The following TBC1D15 variants were observed in gnomAD, a reference collection of about 807,000 sequenced individuals.
TBC1D15 encodes the protein TBC1 domain family member 15.
Under a neutral mutation model 95.4 loss-of-function variants are expected in TBC1D15, and 39 were observed. That is an observed-to-expected ratio of 0.41 (90% confidence interval 0.32 to 0.53). The LOEUF is 0.53. Among genes scored for constraint, TBC1D15 ranks in the 20% least tolerant of loss-of-function variants. The probability of loss-of-function intolerance (pLI) is 0.29; values close to 1 mark genes in which losing one functional copy is unlikely to be tolerated. For synonymous variants in TBC1D15, 258 were observed against 261.3 expected (o/e 0.99, Z 0.12); for missense variants, 733 against 794.3 (o/e 0.92, Z 0.93).
In TBC1D15 at chr12:71,923,513, T is replaced by C; in HGVS notation, c.*309T>C. On this transcript the variant is annotated 3_prime_UTR_variant, in exon 17 of 17. Coordinates refer to ENST00000485960, the MANE Select transcript of TBC1D15 (RefSeq NM_001146213.3). Reference sequence around the variant, plus strand: ...TGGATGAGTTGGAAATTATGCACTTTGAAAAACATTCACTTTGTTTAAGCT... The same window carrying C: ...TGGATGAGTTGGAAATTATGCACTTCGAAAAACATTCACTTTGTTTAAGCT... The C allele has an allele frequency of 4.0e-6, 1 of 250,122 alleles. No homozygotes were observed. The highest frequency in any genetic ancestry group is 5.0e-5 in the Admixed American group (1 of 19,840). The allele number at this position is 250,122 out of a possible 1,614,324, so 15.5% of individuals were successfully genotyped here. A position where few individuals can be genotyped will look rare whatever the true frequency, so the allele number is the denominator to read the frequency against.
intron 1 of TBC1D15, among the ~76,000 whole-genome samples, chr12:71,863,357 G>A (rs1219735131): frequency 2.0e-5 from 3 of 151,988 alleles, no homozygotes; most frequent in Admixed American, 6.6e-5. Flanking sequence ...CAGCCTGGGC[G>A]ACAGAGTGAG....
At chr12:71,866,916 AT>A (rs1891625669) in intron 1 of TBC1D15, among the ~76,000 whole-genome samples, 1 of 152,186 alleles carries the variant, frequency 6.6e-6, no homozygotes, top group Non-Finnish European at 1.5e-5. Flanking sequence ...AATAGTTGGT[AT>A]TTGAGAGTTG....
At chr12:71,897,712 C>T in intron 9 of TBC1D15, 135 bp from the exon 10 acceptor site, 3 of 574,836 alleles carry the variant, frequency 5.2e-6, no homozygotes, top group Non-Finnish European at 6.0e-6. Context: ...AAACGTTTTG[C>T]TATTGTTTTT....
At chr12:71,899,381 T>C (rs1898867840) in intron 10 of TBC1D15, among the ~76,000 whole-genome samples, 1 of 152,218 alleles carries the variant, frequency 6.6e-6, no homozygotes, top group South Asian at 2.1e-4. Flanking sequence ...TCGTTAGTTT[T>C]ATAGTTCAGA....
At chr12:71,851,514 C>G (rs1887824274) in intron 1 of TBC1D15, among the ~76,000 whole-genome samples, 1 of 152,200 alleles carries the variant, frequency 6.6e-6, no homozygotes, top group Non-Finnish European at 1.5e-5. Context: ...AAAGTCTCAT[C>G]TGAGCCAAGG....
chr12:71,853,297 G>A (rs888535488), intron 1 of TBC1D15, among the ~76,000 whole-genome samples: 3 of 152,322 alleles, frequency 2.0e-5, no homozygotes, highest in African/African-American at 7.2e-5. Flanking sequence ...GGGAGATGGT[G>A]CTAAACTGAG....
intron 10 of TBC1D15, among the ~76,000 whole-genome samples, chr12:71,902,024 A>C (rs190936276): frequency 3.1e-3 from 479 of 152,316 alleles, no homozygotes; most frequent in Non-Finnish European, 5.1e-3. Flanking sequence ...CTAGAAATAC[A>C]GCTAACCAGG....
chr12:71,891,258 A>C (rs1897158120), intron 5 of TBC1D15, among the ~76,000 whole-genome samples: 1 of 152,178 alleles, frequency 6.6e-6, no homozygotes, highest in South Asian at 2.1e-4. Context: ...GGACAGGCTC[A>C]CACCAAAGCC....
intron 11 of TBC1D15, chr12:71,907,411 AGCTAAAG>A (rs1272739608): frequency 4.7e-6 from 1 of 214,218 alleles, no homozygotes; most frequent in African/African-American, 2.3e-5. Flanking sequence ...TAGCTGAAAT[AGCTAAAG>A]GTTTTAACAT....
chr12:71,916,451 C>T (rs1199195944), intron 12 of TBC1D15, among the ~76,000 whole-genome samples: 1 of 152,110 alleles, frequency 6.6e-6, no homozygotes, highest in Non-Finnish European at 1.5e-5. Context: ...TGTGGAGGAA[C>T]TATATCCTAA....
chr12:71,872,886 A>T, intron 2 of TBC1D15, 43 bp from the exon 3 acceptor site: 1 of 1,384,006 alleles, frequency 7.2e-7, no homozygotes, highest in Non-Finnish European at 1.0e-6. Context: ...TAAGAATAAC[A>T]TATTGCTGAA....
Position 71,921,461 on chromosome 12 carries a change from A to G in TBC1D15, c.1803+7A>G, listed in dbSNP as rs963859390. On this transcript the variant is annotated splice_region_variant and intron_variant, in intron 16 of 16. Coordinates refer to ENST00000485960, the MANE Select transcript of TBC1D15 (RefSeq NM_001146213.3). ...ACAGATGGTAAAATGCAAGGTATAC[A>G]GTGTTTCAAGTAATTGCAAGATTTG... 4.2e-6 allele frequency: 6 copies of G among 1,444,096 alleles called. No individual in the cohort carries two copies. The highest frequency in any genetic ancestry group is 4.6e-6 in the Non-Finnish European group (5 of 1,075,332). The allele number at this position is 1,444,096 out of a possible 1,614,324, so 89.5% of individuals were successfully genotyped here.
chr12:71,894,731 A>G lies in TBC1D15; in HGVS notation c.703A>G (p.Lys235Glu), dbSNP rs747741171. Residue 235 changes from lysine (K) to glutamate (E), a missense_variant, in exon 7 of 17, where the codon AAA (lysine) becomes GAA (glutamate). By Grantham distance (56) the Lys-to-Glu change is moderately conservative. Transcript: ENST00000485960. ...PYTATMIGFS[K>E]VTNYIFDSLR... Reference sequence around the variant, plus strand: ...TACGGCAACTATGATAGGATTTTCCAAAGTCACAAACTACATTTTTGACAG... The same window carrying G: ...TACGGCAACTATGATAGGATTTTCCGAAGTCACAAACTACATTTTTGACAG... 6.2e-7 allele frequency: 1 copy of G among 1,613,232 alleles called. No individual in the cohort carries two copies. The highest frequency in any genetic ancestry group is 1.6e-4 in the Middle Eastern group (1 of 6,062).
chr12:71,848,377 C>T (rs1030313714), intron 1 of TBC1D15, among the ~76,000 whole-genome samples: 1 of 152,122 alleles, frequency 6.6e-6, no homozygotes, highest in African/African-American at 2.4e-5. Context: ...TAATTTTAGC[C>T]ATTCTAATAG....
intron 6 of TBC1D15, chr12:71,894,292 A>T (rs771500469): frequency 6.2e-7 from 1 of 1,602,718 alleles, no homozygotes; most frequent in South Asian, 1.1e-5. Context: ...GCATGGTGGT[A>T]CACACTTCAA....
Position 71,923,233 on chromosome 12 carries a change from C to G in TBC1D15, c.*29C>G, listed in dbSNP as rs779762040. On this transcript the variant is annotated 3_prime_UTR_variant, in exon 17 of 17. Coordinates refer to ENST00000485960, the MANE Select transcript of TBC1D15 (RefSeq NM_001146213.3). ...CTGTTCTTGCTTTTTTGGGAAGAGACACTTTGTTGCAACCCTTTTTCAAGT... is the reference window on the plus strand; with the variant it reads ...CTGTTCTTGCTTTTTTGGGAAGAGAGACTTTGTTGCAACCCTTTTTCAAGT... 6.2e-7 allele frequency: 1 copy of G among 1,600,836 alleles called. No homozygotes were observed.
chr12:71,895,292 G>A (rs180947487), intron 7 of TBC1D15, among the ~76,000 whole-genome samples: 3 of 152,114 alleles, frequency 2.0e-5, no homozygotes, highest in South Asian at 2.1e-4. Context: ...AGTAAGATGG[G>A]TTTTGGCCTG....
At chr12:71,896,975 A>G (rs1015608052) in intron 9 of TBC1D15, among the ~76,000 whole-genome samples, 195 bp downstream of exon 9, 11 of 152,086 alleles carry the variant, frequency 7.2e-5, no homozygotes, top group Admixed American at 7.2e-4. Flanking sequence ...ACCTTTTTGC[A>G]TTTATTTTTG....
At chr12:71,906,539 G>C (rs1326562971) in intron 10 of TBC1D15, among the ~76,000 whole-genome samples, 1 of 151,894 alleles carries the variant, frequency 6.6e-6, no homozygotes, top group African/African-American at 2.4e-5. Flanking sequence ...AGATGATTGA[G>C]ACATGACAAA....
Sources: gnomAD v4.1 joint callset for allele counts (sites outside exome capture counted in the v4.1 genomes callset) on GRCh38, gnomAD v4.1.1 for gene constraint, MANE v1.5 for transcripts, NCBI Gene and HGNC (gene_info 2026-07-23, HGNC 2026-07-21) for gene names.